The following E2F3 variants were observed in gnomAD, a reference collection of about 807,000 sequenced individuals.
The protein encoded by E2F3 is E2F transcription factor 3, also known as transcription factor E2F3.
Under a neutral mutation model 44.4 loss-of-function variants are expected in E2F3, and 11 were observed. That is an observed-to-expected ratio of 0.25 (90% CI 0.16 to 0.41). The LOEUF is 0.41. E2F3 is among the 10% of genes least tolerant of loss of function. The probability of loss-of-function intolerance (pLI) is 1.00; values close to 1 mark genes in which losing one functional copy is unlikely to be tolerated. For missense variants in E2F3, 487 were observed against 583.6 expected, an observed-to-expected ratio of 0.83 and a Z score of 1.70; for synonymous variants, 249 against 253.0, an observed-to-expected ratio of 0.98 and a Z score of 0.15.
At chr6:20,444,642 C>T (rs1256687043) in intron 1 of E2F3, among the ~76,000 whole-genome samples, 2 of 152,166 alleles carry the variant, frequency 1.3e-5, no homozygotes, top group Non-Finnish European at 2.9e-5. Flanking sequence ...TAGCATGGCT[C>T]CTTTCGTTGC....
At chr6:20,459,541 T>C (rs1393144967) in intron 1 of E2F3, among the ~76,000 whole-genome samples, 2 of 152,204 alleles carry the variant, frequency 1.3e-5, no homozygotes, top group African/African-American at 4.8e-5. Context: ...TTTTAATACA[T>C]AGAAAATTTT....
At chr6:20,453,436 A>ATT (rs1215353390) in intron 1 of E2F3, among the ~76,000 whole-genome samples, 4,273 of 152,182 alleles carry the variant, frequency 0.028, 186 homozygotes, top group African/African-American at 0.095. Context: ...TGTTTTGGAA[A>ATT]TAGGCTCTCA....
At chr6:20,452,869 G>A (rs532622306) in intron 1 of E2F3, among the ~76,000 whole-genome samples, 28 of 152,142 alleles carry the variant, frequency 1.8e-4, no homozygotes, top group African/African-American at 3.1e-4. Context: ...CAGGAGAATC[G>A]TTTGAACCCG....
At chr6:20,470,383 A>G (rs1207042471) in intron 1 of E2F3, among the ~76,000 whole-genome samples, 1 of 152,242 alleles carries the variant, frequency 6.6e-6, no homozygotes, top group Non-Finnish European at 1.5e-5. Context: ...CACTCAATAA[A>G]TATTTGAATG....
At chr6:20,455,680 TG>T (rs879727994) in intron 1 of E2F3, among the ~76,000 whole-genome samples, 3,166 of 152,340 alleles carry the variant, frequency 0.021, 65 homozygotes, top group African/African-American at 0.052. Context: ...GACAGGGCAC[TG>T]TTCTTAATAA....
chr6:20,441,112 A>G (rs533779003), intron 1 of E2F3, among the ~76,000 whole-genome samples: 99 of 152,218 alleles, frequency 6.5e-4, no homozygotes, highest in African/African-American at 2.0e-3. Context: ...CCATGTCCAG[A>G]TTTTTTTCAC....
At chr6:20,440,439 CAAAG>C (rs1760736643) in intron 1 of E2F3, among the ~76,000 whole-genome samples, 1 of 152,128 alleles carries the variant, frequency 6.6e-6, no homozygotes, top group African/African-American at 2.4e-5. Flanking sequence ...TTCATTGGTC[CAAAG>C]AAAGAGAGAG....
chr6:20,419,624 C>T (rs1759958454), intron 1 of E2F3, among the ~76,000 whole-genome samples: 2 of 142,536 alleles, frequency 1.4e-5, no homozygotes, highest in Admixed American at 1.4e-4. Context: ...AGTGCAGTGG[C>T]ATGATCTGGG....
In E2F3 at chr6:20,426,969, A is replaced by G. The variant is rs150250648; in HGVS notation, c.393+24344A>G. On this transcript the variant is annotated intron_variant, in intron 1 of 6. Transcript: ENST00000346618. ...GGTGAGACATTTTTTTTCTTCAAAT[A>G]GTCTATGGTTTATTGGCACCCCAAA... is the stretch of plus-strand genomic sequence containing the variant. Among the ~76,000 whole-genome samples the G allele has an allele frequency of 3.3e-4, 50 of 152,224 alleles. 1 individual carries two copies. The East Asian group carries it at 9.7e-3, about 29-fold the overall frequency.
Position 20,402,517 on chromosome 6 carries a change from C to T in E2F3, c.285C>T (p.Ala95=), listed in dbSNP as rs1423970761. The T allele has an allele frequency of 1.2e-6, 2 of 1,601,560 alleles. No individual in the cohort carries two copies. Among genetic ancestry groups the T allele is most frequent in the East Asian group, 2.2e-5 (1 of 44,660 alleles). ...LPSAPGAEQT[A]GSLLYTTPHG... is the part of the protein sequence containing the mutation. ...GTGCCCCCGGCGCGGAGCAGACCGCCGGCAGCCTCCTCTACACCACGCCGC... is the reference window on the plus strand; with the variant it reads ...GTGCCCCCGGCGCGGAGCAGACCGCTGGCAGCCTCCTCTACACCACGCCGC... Residue 95 remains alanine (A), a synonymous_variant, in exon 1 of 7, where the codon GCC becomes GCT. Coordinates refer to ENST00000346618, the MANE Select transcript of E2F3 (RefSeq NM_001949.5). The surrounding 1 kb of genome is among the most constrained non-coding windows in gnomAD (Gnocchi z 5.6).
At chr6:20,489,814 A>G (rs1489176938) in intron 6 of E2F3, among the ~76,000 whole-genome samples, 1 of 152,112 alleles carries the variant, frequency 6.6e-6, no homozygotes, top group Non-Finnish European at 1.5e-5. Context: ...GTCTCTACAA[A>G]AAAAGATTAA....
Position 20,492,478 on chromosome 6 carries a change from G to GT in E2F3, c.*2054dup, listed in dbSNP as rs1402903110. ...GTGCCTACTGGAAATGCACTGTGGG[G>GT]TTTTTTCCTGTATGGGAAACCATTT... On this transcript the variant is annotated 3_prime_UTR_variant, in exon 7 of 7. Coordinates refer to ENST00000346618, the MANE Select transcript of E2F3 (RefSeq NM_001949.5). The GT allele has an allele frequency of 4.7e-5, 11 of 233,424 alleles. No homozygotes were observed. The highest frequency in any genetic ancestry group is 8.5e-5 in the Non-Finnish European group (10 of 117,954). The allele number at this position is 233,424 out of a possible 1,614,324, so 14.5% of individuals were successfully genotyped here.
chr6:20,457,869 A>G (rs1052692317), intron 1 of E2F3, among the ~76,000 whole-genome samples: 4 of 152,170 alleles, frequency 2.6e-5, no homozygotes, highest in Admixed American at 6.5e-5. Context: ...AAATTAATTT[A>G]GGTAAAGAAC....
At position 20,468,403 on chromosome 6, in the gene E2F3, G is replaced by A. The variant is rs142501289; in HGVS notation, c.394-11443G>A. 2.3e-3 allele frequency among the ~76,000 whole-genome samples: 345 copies of A among 152,306 alleles called. 2 individuals are homozygous for A. Among genetic ancestry groups the A allele is most frequent in the African/African-American group, 8.0e-3 (332 of 41,564 alleles). On this transcript the variant is annotated intron_variant, in intron 1 of 6. Coordinates refer to ENST00000346618, the MANE Select transcript of E2F3 (RefSeq NM_001949.5). The stretch of plus-strand genomic sequence containing the variant: ...TGAGGTTTACTGGTTTATTATAAAC[G>A]ATATCACAGAGGATGCAGATGAAGA...
At chr6:20,449,953 A>G (rs541464191) in intron 1 of E2F3, among the ~76,000 whole-genome samples, 1 of 151,512 alleles carries the variant, frequency 6.6e-6, no homozygotes, top group African/African-American at 2.4e-5. Flanking sequence ...ACACAGTCTC[A>G]TTATTTTTAT....
chr6:20,492,140 A>G lies in E2F3; in HGVS notation c.*1710A>G, dbSNP rs1762569509. On this transcript the variant is annotated 3_prime_UTR_variant, in exon 7 of 7. Coordinates refer to ENST00000346618, the MANE Select transcript of E2F3 (RefSeq NM_001949.5). ...TCATATGTTTAATTGAATTGAAAAT[A>G]TCCCTTAGGAAAAAAAAAAAACACA... The G allele has an allele frequency of 4.6e-6, 1 of 219,512 alleles. No individual in the cohort carries two copies. The highest frequency in any genetic ancestry group is 9.1e-6 in the Non-Finnish European group (1 of 109,708). 13.6% of individuals were successfully genotyped at this position (219,512 alleles called of 1,614,324 possible).
chr6:20,443,624 A>G (rs1463565025), intron 1 of E2F3, among the ~76,000 whole-genome samples: 2 of 152,062 alleles, frequency 1.3e-5, no homozygotes, highest in Non-Finnish European at 2.9e-5. Context: ...AGTCTTAGTT[A>G]CTCGGGAGAG....
intron 1 of E2F3, chr6:20,421,727 G>C (rs572322044): frequency 3.9e-5 from 6 of 152,378 alleles, no homozygotes; most frequent in African/African-American, 1.4e-4. Context: ...AGGCAACCTG[G>C]TGGTCCCCCA....
chr6:20,464,404 G>C lies in E2F3; in HGVS notation c.394-15442G>C, dbSNP rs79902223. On this transcript the variant is annotated intron_variant, in intron 1 of 6. Transcript: ENST00000346618. ...CTTGCATTCCTCAGGTAGGTAGCAT[G>C]ATCTCTTATAAACCATTTCCATTTT... is the stretch of plus-strand genomic sequence containing the variant. Among the ~76,000 whole-genome samples, 950 of 152,306 alleles carry C rather than the reference G, an allele frequency of 6.2e-3. 4 individuals carry two copies. The highest frequency in any genetic ancestry group is 0.034 in the South Asian group (162 of 4,830).
Sources: allele counts gnomAD v4.1 joint callset (sites outside exome capture counted in the v4.1 genomes callset), GRCh38; gene constraint gnomAD v4.1.1; non-coding constraint Gnocchi (gnomAD v3.1); transcripts MANE v1.5; gene names NCBI Gene and HGNC (gene_info 2026-07-23, HGNC 2026-07-21).